Variants in FLT4 observed in about 807,000 individuals in gnomAD.
FLT4 encodes the protein fms related receptor tyrosine kinase 4, also known as vascular endothelial growth factor receptor 3.
A neutral mutation model predicts 163.2 loss-of-function variants in FLT4; 30 were observed. The observed-to-expected ratio is 0.18, with a 90% CI of 0.14 to 0.25. The LOEUF is 0.25. FLT4 is among the 10% of genes least tolerant of loss of function. The pLI is 1.00. For missense variants in FLT4, 1,510 were observed against 1,863.8 expected (o/e 0.81, Z 3.50); for synonymous variants, 884 against 789.5 (o/e 1.12, Z -2.01).
chr5:180,613,916 G>A, intron 24 of FLT4, 152 bp downstream of exon 24: 2 of 704,754 alleles, frequency 2.8e-6, no homozygotes, highest in South Asian at 3.0e-5. Context: ...GGGAGAGGTG[G>A]GGGGCCCTTG....
Position 180,630,300 on chromosome 5 carries a change from G to A in FLT4, c.438C>T (p.Leu146=), listed in dbSNP as rs767241927. Residue 146 remains leucine (L), a synonymous_variant, in exon 4 of 30, where the codon CTC becomes CTT. Transcript: ENST00000261937. This position sits in a 1 kb window ranked among gnomAD's most constrained non-coding sequence, Gnocchi z 6.3. ...ACATGGCGTCCTTCCTGTTGACCAA[G>A]AGCGTGTCAGGCTTGTTGATGAATG... is the stretch of plus-strand genomic sequence containing the variant. ...EQPFINKPDT[L]LVNRKDAMWV... 4.2e-5 allele frequency: 68 copies of A among 1,612,110 alleles called. No individual in the cohort carries two copies. The highest frequency in any genetic ancestry group is 5.4e-5 in the Non-Finnish European group (64 of 1,179,974).
Position 180,636,359 on chromosome 5 carries a change from C to T in FLT4, c.59-4581G>A, listed in dbSNP as rs1406939680. On this transcript the variant is annotated intron_variant, in intron 1 of 29. Transcript: ENST00000261937. The surrounding 1 kb of genome is among the most constrained non-coding windows in gnomAD (Gnocchi z 4.3). ...GAAGCCTGGCTTTCTGGCCACGGCA[C>T]TGGCCCTGGGCGGTTACTGCCCTCC... 6.6e-6 allele frequency among the ~76,000 whole-genome samples: 1 copy of T among 152,154 alleles called. No individual in the cohort carries two copies. The highest frequency in any genetic ancestry group is 6.5e-5 in the Admixed American group (1 of 15,282).
Position 180,602,566 on chromosome 5 carries a change from G to A in FLT4, c.*626C>T, listed in dbSNP as rs1408467830. 1.0e-5 allele frequency: 4 copies of A among 400,160 alleles called. No individual in the cohort carries two copies. The Admixed American group carries it at 1.3e-4, about 13-fold the overall frequency. The allele number at this position is 400,160 out of a possible 1,614,324, so 24.8% of individuals were successfully genotyped here. A position where few individuals can be genotyped will look rare whatever the true frequency, so the allele number is the denominator to read the frequency against. On this transcript the variant is annotated 3_prime_UTR_variant, in exon 30 of 30. Transcript: ENST00000261937. ...GCGCAGGTGTGCGGGCTGCCTCTGT[G>A]TTGCCAGCGTATAATACTGTCATAC...
In FLT4 at chr5:180,612,324, T is replaced by C. The variant is rs745483552; in HGVS notation, c.3537+182A>G. 3.7e-5 allele frequency: 23 copies of C among 629,716 alleles called. No individual in the cohort carries two copies. The Middle Eastern group carries it at 2.0e-3, about 56-fold the overall frequency. The allele number at this position is 629,716 out of a possible 1,614,324, so 39.0% of individuals were successfully genotyped here. On this transcript the variant is annotated intron_variant, in intron 26 of 29. Transcript: ENST00000261937. ...GCAGTGGAGCTGTGCAGCGGGTGTG[T>C]ACTCAACAGAAAGATGCAAGGGTGT... is the stretch of plus-strand genomic sequence containing the variant.
At chr5:180,625,838 G>A (rs1763558406) in intron 10 of FLT4, 31 bp downstream of exon 10, 1 of 1,520,128 alleles carries the variant, frequency 6.6e-7, no homozygotes, top group Admixed American at 1.9e-5. Context: ...CTGTGGCTGT[G>A]CAGGGGACCT....
chr5:180,645,783 G>C (rs1262881959), intron 1 of FLT4, among the ~76,000 whole-genome samples: 1 of 152,160 alleles, frequency 6.6e-6, no homozygotes, highest in East Asian at 1.9e-4. Flanking sequence ...GGAAAACCCA[G>C]ATTCCAGAGG....
At position 180,618,909 on chromosome 5, in the gene FLT4, G is replaced by A. The variant is rs1451981736; in HGVS notation, c.2862C>T (p.Pro954=). ...DAFSPCAEKS[P]EQRGRFRAMV... is the part of the protein sequence containing the mutation. The stretch of plus-strand genomic sequence containing the variant: ...TGGCGCGGAAGCGTCCGCGCTGCTC[G>A]GGAGACTTCTCCTGCGGATGCACGA... Residue 954 remains proline, a synonymous_variant, in exon 21 of 30, where the codon CCC becomes CCT. Coordinates refer to ENST00000261937, the MANE Select transcript of FLT4 (RefSeq NM_182925.5). The A allele has an allele frequency of 2.5e-6, 4 of 1,585,596 alleles. No homozygotes were observed. The highest frequency in any genetic ancestry group is 1.3e-5 in the African/African-American group (1 of 74,584).
chr5:180,620,510 C>G lies in FLT4; in HGVS notation c.2406+99G>C. ...GAGGCTTCCCAGGAAACAAGGCTGCCAGGTGAACTAGGGCGGGCACCTTAT... is the reference window on the plus strand; with the variant it reads ...GAGGCTTCCCAGGAAACAAGGCTGCGAGGTGAACTAGGGCGGGCACCTTAT... On this transcript the variant is annotated intron_variant, in intron 16 of 29. Transcript: ENST00000261937. The surrounding 1 kb of genome is among the most constrained non-coding windows in gnomAD (Gnocchi z 4.4). 3.3e-6 allele frequency: 4 copies of G among 1,194,278 alleles called. No homozygotes were observed. The Admixed American group carries it at 7.5e-5, about 22-fold the overall frequency. The allele number at this position is 1,194,278 out of a possible 1,614,324, so 74.0% of individuals were successfully genotyped here. A position where few individuals can be genotyped will look rare whatever the true frequency, so the allele number is the denominator to read the frequency against.
Position 180,629,988 on chromosome 5 carries a change from C to T in FLT4, c.631G>A (p.Gly211Arg), listed in dbSNP as rs1293768367. The change falls in exon 5 of 30, where the codon GGA (glycine) becomes AGA (arginine). Residue 211 changes from glycine to arginine, a missense_variant. By Grantham distance (125) the Gly-to-Arg change is moderately radical. Coordinates refer to ENST00000261937, the MANE Select transcript of FLT4 (RefSeq NM_182925.5). ...GGGTTGGAAAGGAAGTCCTGGTCTC[C>T]CCAGGTGGTCTCGCACTGCAGGTAC... The part of the protein sequence containing the change: ...ALYLQCETTW[G>R]DQDFLSNPFL... 1 of 1,612,746 alleles carries T rather than the reference C, an allele frequency of 6.2e-7. No individual in the cohort carries two copies. Among genetic ancestry groups the T allele is most frequent in the African/African-American group, 1.3e-5 (1 of 74,926 alleles).
In FLT4 at chr5:180,613,586, G is replaced by A. The variant is rs937808672; in HGVS notation, c.3332-476C>T. ...CTCCTTGGGCCCCTCTGGCTTACCC[G>A]AGCTCCCACGCCTCCTACACTCTTC... is the stretch of plus-strand genomic sequence containing the variant. On this transcript the variant is annotated intron_variant, in intron 24 of 29. Coordinates refer to ENST00000261937, the MANE Select transcript of FLT4 (RefSeq NM_182925.5). 5 of 237,314 alleles carry A rather than the reference G, an allele frequency of 2.1e-5. No individual in the cohort carries two copies. In the East Asian group the frequency reaches 4.2e-4, roughly 20 times the overall value. The allele number at this position is 237,314 out of a possible 1,614,324, so 14.7% of individuals were successfully genotyped here.
upstream of FLT4, among the ~76,000 whole-genome samples, chr5:180,650,255 C>T (rs977060709): frequency 1.3e-5 from 2 of 151,968 alleles, no homozygotes; most frequent in Non-Finnish European, 2.9e-5. Context: ...ACGGAAGCCG[C>T]ACCCGTGAGC....
intron 27 of FLT4, among the ~76,000 whole-genome samples, chr5:180,610,820 G>C (rs527503639): frequency 9.9e-5 from 15 of 152,246 alleles, no homozygotes; most frequent in Non-Finnish European, 2.2e-4. Context: ...CACTTTGGGA[G>C]GCCGAGGCAG....
rs1222110987 is a variant in FLT4, at chr5:180,618,884, T to C, written c.2887A>G (p.Met963Val). ...CGATCCAGCCTGGCGAGCTCCACCA[T>C]GGCGCGGAAGCGTCCGCGCTGCTCG... is the stretch of plus-strand genomic sequence containing the variant. ...SPEQRGRFRAMVELARLDRRR... is the reference protein window; with the variant it reads ...SPEQRGRFRAVVELARLDRRR... The change falls in exon 21 of 30, where the codon ATG becomes GTG. Residue 963 changes from methionine (M) to valine (V), a missense_variant. By Grantham distance (21) the Met-to-Val change is conservative. Around this residue, in one of 5 missense-constraint regions of FLT4, gnomAD observed 878 missense variants for 1,016.7 expected, o/e 0.86. Transcript: ENST00000261937. 5 of 1,588,068 alleles carry C rather than the reference T, an allele frequency of 3.1e-6. No homozygotes were observed. Among genetic ancestry groups the C allele is most frequent in the South Asian group, 1.1e-5 (1 of 87,452 alleles).
chr5:180,623,381 T>C lies in FLT4; in HGVS notation c.1549-542A>G, dbSNP rs1010647777. 7.9e-5 allele frequency among the ~76,000 whole-genome samples: 12 copies of C among 152,128 alleles called. No individual in the cohort carries two copies. Among genetic ancestry groups the C allele is most frequent in the African/African-American group, 2.6e-4 (11 of 41,510 alleles). On this transcript the variant is annotated intron_variant, in intron 11 of 29. Coordinates refer to ENST00000261937, the MANE Select transcript of FLT4 (RefSeq NM_182925.5). The surrounding 1 kb of genome is among the most constrained non-coding windows in gnomAD (Gnocchi z 5.8). ...CTGAGGCCTCAGGGAGTAGGAAGCC[T>C]GAGACACAGGGGAGGAGAGAGGGCC...
At position 180,622,410 on chromosome 5, in the gene FLT4, G is replaced by A. The variant is rs73812623; in HGVS notation, c.1657+321C>T. Reference sequence around the variant, plus strand: ...GTAAACCACAGAGCTTCTCCCCAGAGCAAAATTCACACGAGTCACAAGGTC... The same window carrying A: ...GTAAACCACAGAGCTTCTCCCCAGAACAAAATTCACACGAGTCACAAGGTC... On this transcript the variant is annotated intron_variant, in intron 12 of 29. Transcript: ENST00000261937. 4.5e-3 allele frequency among the ~76,000 whole-genome samples: 680 copies of A among 152,220 alleles called. 8 individuals carry two copies. The highest frequency in any genetic ancestry group is 0.015 in the African/African-American group (642 of 41,536).
rs1184769799 is a variant in FLT4, at chr5:180,603,667, GA to G, written c.3894-278del. Among the ~76,000 whole-genome samples, 6 of 152,216 alleles carry G rather than the reference GA, an allele frequency of 3.9e-5. 1 individual carries two copies. Among genetic ancestry groups the G allele is most frequent in the Admixed American group, 1.3e-4 (2 of 15,278 alleles). On this transcript the variant is annotated intron_variant, in intron 29 of 29. Coordinates refer to ENST00000261937, the MANE Select transcript of FLT4 (RefSeq NM_182925.5). ...CTGTAATCCCAGCACTTTGCTGGGA[GA>G]CCGAGGCGGGCGGATCACGAGGTCA...
rs559947084 is a variant in FLT4, at chr5:180,630,854, C to A, written c.156-55G>T. 2.6e-6 allele frequency: 4 copies of A among 1,539,784 alleles called. No homozygotes were observed. The African/African-American group carries it at 4.1e-5, about 16-fold the overall frequency. On this transcript the variant is annotated intron_variant, in intron 2 of 29. Coordinates refer to ENST00000261937, the MANE Select transcript of FLT4 (RefSeq NM_182925.5). The surrounding 1 kb of genome is among the most constrained non-coding windows in gnomAD (Gnocchi z 6.3). ...CCCCAGGGCAGCCCATGGGGACTGT[C>A]CCTGAGAAGCCTCCCTCAGGCCGAG... is the stretch of plus-strand genomic sequence containing the variant.
intron 8 of FLT4, among the ~76,000 whole-genome samples, chr5:180,628,520 A>C (rs1763824201): frequency 6.6e-6 from 1 of 152,184 alleles, no homozygotes. Context: ...TCGCAAAAGG[A>C]GGCATAGGGA....
chr5:180,641,867 T>C (rs567815871), intron 1 of FLT4, among the ~76,000 whole-genome samples: 27 of 152,258 alleles, frequency 1.8e-4, no homozygotes, highest in Admixed American at 1.8e-3. Context: ...GAGATGTGGA[T>C]TGGCCCTAGG....
Sources: gnomAD v4.1 joint callset for allele counts (sites outside exome capture counted in the v4.1 genomes callset) on GRCh38, gnomAD v4.1.1 for gene constraint, gnomAD v4.1.1 regional missense constraint, Gnocchi (gnomAD v3.1) non-coding constraint, MANE v1.5 for transcripts, NCBI Gene and HGNC (gene_info 2026-07-23, HGNC 2026-07-21) for gene names.